FMN1: variants seen among roughly 807,000 people sequenced by gnomAD.
The protein encoded by FMN1 is formin 1.
FMN1 carries 110 observed loss-of-function variants against 132.4 expected under a neutral mutation model. That is an observed-to-expected ratio of 0.83 (90% CI 0.71 to 0.97). The LOEUF (loss-of-function observed/expected upper bound fraction) is 0.97. Among genes scored for constraint, FMN1 ranks in the 50% least tolerant of loss-of-function variants. FMN1 has a pLI of 0.00. For missense variants in FMN1, 1,792 were observed against 1,705.3 expected (o/e 1.05, Z -0.90); for synonymous variants, 722 against 651.7 (o/e 1.11, Z -1.64).
intron 19 of FMN1, among the ~76,000 whole-genome samples, chr15:32,793,576 C>T (rs371660632): frequency 3.9e-5 from 6 of 152,246 alleles, no homozygotes; most frequent in Admixed American, 2.0e-4. Flanking sequence ...CCACTACGCC[C>T]GGCTGTTCTT....
chr15:32,983,368 T>G (rs1201890891), intron 7 of FMN1, among the ~76,000 whole-genome samples: 1 of 152,120 alleles, frequency 6.6e-6, no homozygotes, highest in East Asian at 1.9e-4. Flanking sequence ...AGAAGAGGGG[T>G]TGTCTTCCAA....
chr15:32,903,999 T>G (rs1236917381), intron 12 of FMN1, among the ~76,000 whole-genome samples: 1 of 152,202 alleles, frequency 6.6e-6, no homozygotes, highest in African/African-American at 2.4e-5. Context: ...TACTAGAAGA[T>G]CAGTCACCAA....
chr15:32,957,918 T>C (rs1008159967), intron 9 of FMN1, among the ~76,000 whole-genome samples: 4 of 152,164 alleles, frequency 2.6e-5, no homozygotes, highest in Non-Finnish European at 5.9e-5. Flanking sequence ...TGGTTCTTAA[T>C]TTGGTTACTG....
At chr15:32,951,255 AAAC>A (rs2061646265) in intron 9 of FMN1, among the ~76,000 whole-genome samples, 1 of 152,246 alleles carries the variant, frequency 6.6e-6, no homozygotes, top group South Asian at 2.1e-4. Context: ...ATTGTATCAC[AAAC>A]ACAGGTTACC....
chr15:33,066,998 G>GT lies in FMN1; in HGVS notation c.2044-1925dup, dbSNP rs780184096. 3.7e-6 allele frequency: 6 copies of GT among 1,613,940 alleles called. No individual in the cohort carries two copies. In the Admixed American group the frequency reaches 8.3e-5, roughly 22 times the overall value. Reference sequence around the variant, plus strand: ...GTCCCCATCCTTTGGTTTAATTTCCGTGATGGTCTCTCCTCCCTCAGCGGT... The same window carrying GT: ...GTCCCCATCCTTTGGTTTAATTTCCGTTGATGGTCTCTCCTCCCTCAGCGGT... On this transcript the variant is annotated intron_variant, in intron 5 of 20. Transcript: ENST00000616417.
intron 6 of FMN1, among the ~76,000 whole-genome samples, chr15:33,057,008 T>C (rs575180836): frequency 2.0e-5 from 3 of 152,230 alleles, no homozygotes; most frequent in Admixed American, 6.5e-5. Context: ...AAACCCCATC[T>C]CTACTAGAAA....
intron 7 of FMN1, among the ~76,000 whole-genome samples, chr15:32,994,685 T>C (rs1017297272): frequency 1.4e-4 from 21 of 152,204 alleles, no homozygotes; most frequent in African/African-American, 4.6e-4. Flanking sequence ...CAATACATAT[T>C]GAATGATTGA....
At chr15:32,895,098 A>G (rs998313730) in intron 15 of FMN1, among the ~76,000 whole-genome samples, 4 of 152,176 alleles carry the variant, frequency 2.6e-5, no homozygotes, top group Non-Finnish European at 5.9e-5. Context: ...ATAAGTAAAT[A>G]GTCATTAAAT....
At chr15:32,980,624 AT>A (rs1273747465) in intron 7 of FMN1, among the ~76,000 whole-genome samples, 1 of 152,066 alleles carries the variant, frequency 6.6e-6, no homozygotes, top group Non-Finnish European at 1.5e-5. Flanking sequence ...GTTTTGTTTT[AT>A]TTCAGTCTTT....
intron 15 of FMN1, among the ~76,000 whole-genome samples, chr15:32,891,470 C>T (rs768379821): frequency 6.6e-6 from 1 of 152,228 alleles, no homozygotes; most frequent in Non-Finnish European, 1.5e-5. Context: ...TCTCAATCGC[C>T]TGACCTCTTG....
At chr15:33,100,107 A>G (rs2039237685) in intron 4 of FMN1, among the ~76,000 whole-genome samples, 1 of 151,870 alleles carries the variant, frequency 6.6e-6, no homozygotes, top group Admixed American at 6.6e-5. Flanking sequence ...CTTCTTGGCC[A>G]TTTTAGTTTC....
intron 6 of FMN1, chr15:33,012,183 G>C: frequency 1.7e-6 from 1 of 573,602 alleles, no homozygotes; most frequent in South Asian, 1.7e-5. Context: ...TCAGAGGGTT[G>C]GGCTTTGAAA....
At chr15:33,022,837 T>C (rs545347827) in intron 6 of FMN1, among the ~76,000 whole-genome samples, 30 of 152,122 alleles carry the variant, frequency 2.0e-4, no homozygotes, top group African/African-American at 6.0e-4. Flanking sequence ...GAGACACAGC[T>C]GTAGTTCCCA....
intron 4 of FMN1, among the ~76,000 whole-genome samples, chr15:33,147,543 G>A (rs917225639): frequency 6.6e-6 from 1 of 152,150 alleles, no homozygotes; most frequent in African/African-American, 2.4e-5. Flanking sequence ...TCCAAAAATA[G>A]AGACAAGTGA....
chr15:33,172,586 G>A (rs1264459194), intron 3 of FMN1, among the ~76,000 whole-genome samples: 1 of 152,232 alleles, frequency 6.6e-6, no homozygotes, highest in African/African-American at 2.4e-5. Context: ...TTGACACAGA[G>A]TTGGAAATTC....
intron 7 of FMN1, among the ~76,000 whole-genome samples, chr15:33,003,996 C>G (rs200331481): frequency 0.63 from 95,901 of 151,064 alleles, 33,774 homozygotes; most frequent in East Asian, 0.88. Flanking sequence ...GCCATACGTA[C>G]AAAGCTGAAA....
chr15:32,992,379 G>A (rs2033488292), intron 7 of FMN1, among the ~76,000 whole-genome samples: 1 of 152,098 alleles, frequency 6.6e-6, no homozygotes, highest in African/African-American at 2.4e-5. Flanking sequence ...TACTTAAGAT[G>A]GTTAGAGGAT....
intron 17 of FMN1, among the ~76,000 whole-genome samples, chr15:32,856,666 T>G (rs138564185): frequency 6.6e-6 from 1 of 152,312 alleles, no homozygotes; most frequent in Non-Finnish European, 1.5e-5. Context: ...AAATGTGAAA[T>G]GCATGACCAC....
intron 2 of FMN1, among the ~76,000 whole-genome samples, chr15:33,180,632 C>T (rs1413911856): frequency 6.6e-6 from 1 of 151,994 alleles, no homozygotes; most frequent in African/African-American, 2.4e-5. Flanking sequence ...TGCGTATGCT[C>T]ATCTACTTAG....
Sources: allele counts gnomAD v4.1 joint callset (sites outside exome capture counted in the v4.1 genomes callset), GRCh38; gene constraint gnomAD v4.1.1; transcripts MANE v1.5; gene names NCBI Gene and HGNC (gene_info 2026-07-23, HGNC 2026-07-21).